The following LRRC4C variants were observed in gnomAD, a reference collection of about 807,000 sequenced individuals.
LRRC4C encodes the protein leucine rich repeat containing 4C.
A neutral mutation model predicts 33.6 loss-of-function variants in LRRC4C; 5 were observed. The ratio of observed to expected loss-of-function variants is 0.15; its 90% CI spans 0.08 to 0.31. LRRC4C has a LOEUF of 0.31. LRRC4C is among the 10% of genes least tolerant of loss of function. LRRC4C has a pLI of 1.00. For synonymous variants in LRRC4C, 329 were observed against 302.0 expected (o/e 1.09, Z -0.93); for missense variants, 560 against 796.7 (o/e 0.70, Z 3.58).
intron 5 of LRRC4C, among the ~76,000 whole-genome samples, chr11:40,235,618 C>T (rs10444279): frequency 0.76 from 115,889 of 151,716 alleles, 48,614 homozygotes; most frequent in East Asian, 0.96. Flanking sequence ...AGATACAAGT[C>T]GTGAAAAGTG....
At position 40,830,192 on chromosome 11, in the gene LRRC4C, C is replaced by A. The variant is rs187661155; in HGVS notation, c.-407+103443G>T. On this transcript the variant is annotated intron_variant, in intron 2 of 6. Coordinates refer to ENST00000528697, the MANE Select transcript of LRRC4C (RefSeq NM_001258419.2). Reference sequence around the variant, plus strand: ...ACTACTGAAATTTATTCAATAACTGCGGTTGAATATGGATGAATATTCTCT... The same window carrying A: ...ACTACTGAAATTTATTCAATAACTGAGGTTGAATATGGATGAATATTCTCT... Among the ~76,000 whole-genome samples, 5 of 152,058 alleles carry A rather than the reference C, an allele frequency of 3.3e-5. No homozygotes were observed. In the South Asian group the frequency reaches 1.0e-3, roughly 31 times the overall value.
chr11:40,507,472 C>G (rs1396745408), intron 3 of LRRC4C, among the ~76,000 whole-genome samples: 1 of 151,918 alleles, frequency 6.6e-6, no homozygotes, highest in Non-Finnish European at 1.5e-5. Context: ...CTAATAAATA[C>G]ATTCATTGTT....
chr11:40,235,942 C>T (rs1186910051), intron 5 of LRRC4C, among the ~76,000 whole-genome samples: 1 of 151,910 alleles, frequency 6.6e-6, no homozygotes, highest in Non-Finnish European at 1.5e-5. Flanking sequence ...ATGGCCAGTG[C>T]CAGAACTCTA....
At position 40,745,439 on chromosome 11, in the gene LRRC4C, G is replaced by A. The variant is rs1183613930; in HGVS notation, c.-406-97161C>T. ...GATTATACTATGAGAACGTTTGATA[G>A]ACATTTTGACTTAAAGTGAATCTTA... On this transcript the variant is annotated intron_variant, in intron 2 of 6. Transcript: ENST00000528697. Among the ~76,000 whole-genome samples, 3 of 152,132 alleles carry A rather than the reference G, an allele frequency of 2.0e-5. No individual in the cohort carries two copies. The East Asian group carries it at 5.8e-4, about 29-fold the overall frequency.
chr11:40,359,488 G>A (rs1032259494), intron 3 of LRRC4C, among the ~76,000 whole-genome samples: 6 of 152,092 alleles, frequency 3.9e-5, no homozygotes, highest in East Asian at 1.9e-4. Context: ...TCAATTAAGC[G>A]CATCTCTTAA....
At chr11:40,437,894 G>C (rs1018426150) in intron 3 of LRRC4C, among the ~76,000 whole-genome samples, 1 of 152,186 alleles carries the variant, frequency 6.6e-6, no homozygotes, top group African/African-American at 2.4e-5. Flanking sequence ...TTTTAGTAGA[G>C]ATGGGGTTTC....
intron 3 of LRRC4C, among the ~76,000 whole-genome samples, chr11:40,526,372 A>C (rs11035896): frequency 0.34 from 51,061 of 151,948 alleles, 10,324 homozygotes; most frequent in East Asian, 0.65. Flanking sequence ...AAAAACCCTG[A>C]AATTCATATG....
intron 2 of LRRC4C, among the ~76,000 whole-genome samples, chr11:40,680,545 G>C (rs1944635824): frequency 6.6e-6 from 1 of 152,134 alleles, no homozygotes; most frequent in Non-Finnish European, 1.5e-5. Context: ...TTCCCATGCT[G>C]TTCTCGTGAT....
intron 2 of LRRC4C, among the ~76,000 whole-genome samples, chr11:40,813,067 A>C (rs975468863): frequency 6.6e-6 from 1 of 152,192 alleles, no homozygotes; most frequent in Non-Finnish European, 1.5e-5. Context: ...TGATCATTTC[A>C]TGCAAGGTTG....
Position 40,948,725 on chromosome 11 carries a change from C to T in LRRC4C, c.-495-15002G>A, listed in dbSNP as rs1185298318. Among the ~76,000 whole-genome samples the T allele has an allele frequency of 1.7e-4, 26 of 148,582 alleles. 2 individuals carry two copies. In the South Asian group the frequency reaches 5.2e-3, roughly 30 times the overall value. On this transcript the variant is annotated intron_variant, in intron 1 of 6. Transcript: ENST00000528697. Reference sequence around the variant, plus strand: ...TCATTTTTTATGGCTGCATAGTATTCCATGGTGTATATGTGCCACATTTTC... The same window carrying T: ...TCATTTTTTATGGCTGCATAGTATTTCATGGTGTATATGTGCCACATTTTC...
In LRRC4C at chr11:41,153,858, T is replaced by A. The variant is rs142927053; in HGVS notation, c.-495-220135A>T. On this transcript the variant is annotated intron_variant, in intron 1 of 6. Coordinates refer to ENST00000528697, the MANE Select transcript of LRRC4C (RefSeq NM_001258419.2). ...AAGGGTCTTGAAATGAGATGAGCCA[T>A]GTGGGCTCTAAATAGCATGACAAGT... Among the ~76,000 whole-genome samples the A allele has an allele frequency of 6.2e-3, 948 of 152,240 alleles. 15 individuals carry two copies. The highest frequency in any genetic ancestry group is 0.022 in the African/African-American group (899 of 41,554).
intron 5 of LRRC4C, among the ~76,000 whole-genome samples, chr11:40,226,816 T>C (rs1450616052): frequency 1.3e-5 from 2 of 152,204 alleles, no homozygotes; most frequent in East Asian, 1.9e-4. Context: ...TATATACATA[T>C]GTACATATAC....
intron 1 of LRRC4C, among the ~76,000 whole-genome samples, chr11:41,395,706 C>T (rs1953781961): frequency 6.6e-6 from 1 of 151,922 alleles, no homozygotes; most frequent in South Asian, 2.1e-4. Context: ...AAATGAAACT[C>T]CTCTGACTAC....
intron 1 of LRRC4C, among the ~76,000 whole-genome samples, chr11:40,992,749 A>G (rs182817019): frequency 6.6e-6 from 1 of 152,314 alleles, no homozygotes; most frequent in East Asian, 1.9e-4. Context: ...CATTAATTTA[A>G]AATTAAACTA....
intron 1 of LRRC4C, among the ~76,000 whole-genome samples, chr11:41,381,728 TAAG>T (rs1476781098): frequency 1.3e-5 from 2 of 151,416 alleles, no homozygotes; most frequent in African/African-American, 2.4e-5. Flanking sequence ...TTTTTGGAAA[TAAG>T]AAAAACTGAA....
intron 1 of LRRC4C, among the ~76,000 whole-genome samples, chr11:41,176,700 G>T (rs1945213211): frequency 6.6e-6 from 1 of 152,122 alleles, no homozygotes; most frequent in Non-Finnish European, 1.5e-5. Context: ...GAGTAGGAAT[G>T]AAGTTTTAAG....
At chr11:40,763,251 AT>A (rs1949309172) in intron 2 of LRRC4C, among the ~76,000 whole-genome samples, 1 of 152,010 alleles carries the variant, frequency 6.6e-6, no homozygotes, top group Non-Finnish European at 1.5e-5. Context: ...AGTGCTGCTT[AT>A]ATTTAAATCC....
At position 40,447,578 on chromosome 11, in the gene LRRC4C, G is replaced by A. The variant is rs553222944; in HGVS notation, c.-269-127857C>T. ...AAAAATAATTTCACACAAGAATTGA[G>A]AAGAAAACATAAAGCACAGCTATTT... On this transcript the variant is annotated intron_variant, in intron 3 of 6. Transcript: ENST00000528697. Among the ~76,000 whole-genome samples the A allele has an allele frequency of 4.6e-5, 7 of 152,238 alleles. No homozygotes were observed. In the East Asian group the frequency reaches 1.4e-3, roughly 29 times the overall value.
intron 3 of LRRC4C, among the ~76,000 whole-genome samples, chr11:40,397,327 T>C (rs943593784): frequency 6.6e-6 from 1 of 152,078 alleles, no homozygotes; most frequent in Non-Finnish European, 1.5e-5. Flanking sequence ...GCAAAACATA[T>C]GGCATGATTT....
Sources: gnomAD v4.1 joint callset for allele counts (sites outside exome capture counted in the v4.1 genomes callset) on GRCh38, gnomAD v4.1.1 for gene constraint, MANE v1.5 for transcripts, NCBI Gene and HGNC (gene_info 2026-07-23, HGNC 2026-07-21) for gene names.